The following MAGI1 variants were observed in gnomAD, a reference collection of about 807,000 sequenced individuals.
MAGI1 encodes membrane-associated guanylate kinase, WW and PDZ domain-containing protein 1.
In MAGI1, 58 loss-of-function variants were observed where a neutral mutation model predicts 139.9. The ratio of observed to expected loss-of-function variants is 0.41; its 90% CI spans 0.34 to 0.52. The LOEUF is 0.52. MAGI1 is among the 20% of genes least tolerant of loss of function. MAGI1 has a pLI of 0.12. For synonymous variants in MAGI1, 812 were observed against 737.9 expected (o/e 1.10, Z -1.63); for missense variants, 1,874 against 1,901.6 (o/e 0.99, Z 0.27).
At chr3:66,011,977 A>T (rs1285641020) in intron 1 of MAGI1, among the ~76,000 whole-genome samples, 1 of 152,154 alleles carries the variant, frequency 6.6e-6, no homozygotes, top group African/African-American at 2.4e-5. Flanking sequence ...TTAAAGGGCA[A>T]TAGGATACCC....
intron 15 of MAGI1, 26 bp downstream of exon 15, chr3:65,383,506 G>A (rs1943219976): frequency 6.4e-7 from 1 of 1,560,108 alleles, no homozygotes; most frequent in Non-Finnish European, 8.8e-7. Context: ...AAATATGCTG[G>A]GAAGAGAGAC....
chr3:65,448,991 G>A (rs2107473852), intron 6 of MAGI1, among the ~76,000 whole-genome samples: 1 of 152,142 alleles, frequency 6.6e-6, no homozygotes, highest in South Asian at 2.1e-4. Context: ...AATACGCTCA[G>A]TGCCCAGTGT....
chr3:65,984,512 ATG>A (rs34046056), intron 1 of MAGI1, among the ~76,000 whole-genome samples: 49,798 of 140,146 alleles, frequency 0.36, 9,457 homozygotes, highest in East Asian at 0.55. Flanking sequence ...TCAAAATAAA[ATG>A]TGTGTGTGTG....
intron 1 of MAGI1, among the ~76,000 whole-genome samples, chr3:65,757,509 A>C (rs1468080383): frequency 3.3e-5 from 5 of 152,126 alleles, no homozygotes; most frequent in Non-Finnish European, 5.9e-5. Context: ...ACGGTGGTGC[A>C]CACCTGTAAT....
At chr3:65,995,461 G>C (rs1430733553) in intron 1 of MAGI1, among the ~76,000 whole-genome samples, 1 of 152,010 alleles carries the variant, frequency 6.6e-6, no homozygotes, top group Non-Finnish European at 1.5e-5. Flanking sequence ...ATTTTTCAAA[G>C]AGTAGAGGTG....
intron 1 of MAGI1, among the ~76,000 whole-genome samples, chr3:65,756,741 G>C (rs572319831): frequency 6.6e-6 from 1 of 152,218 alleles, no homozygotes; most frequent in African/African-American, 2.4e-5. Context: ...AAGTCATCAG[G>C]AGACAGTCTT....
intron 1 of MAGI1, among the ~76,000 whole-genome samples, chr3:65,990,606 G>A (rs1025686523): frequency 1.3e-5 from 2 of 152,126 alleles, no homozygotes; most frequent in Non-Finnish European, 2.9e-5. Flanking sequence ...TGATGAGCCT[G>A]AACCCAGTAT....
At chr3:65,919,467 G>A (rs1008795748) in intron 1 of MAGI1, among the ~76,000 whole-genome samples, 1 of 151,818 alleles carries the variant, frequency 6.6e-6, no homozygotes, top group African/African-American at 2.4e-5. Flanking sequence ...GGAGGCTAAG[G>A]GGGAGGATCT....
chr3:65,398,256 G>A (rs1944549110), intron 13 of MAGI1, among the ~76,000 whole-genome samples: 1 of 152,166 alleles, frequency 6.6e-6, no homozygotes, highest in Admixed American at 6.6e-5. Context: ...GCACATGACT[G>A]TAATCCCAGC....
At chr3:65,966,670 T>C (rs955077998) in intron 1 of MAGI1, among the ~76,000 whole-genome samples, 6 of 152,126 alleles carry the variant, frequency 3.9e-5, no homozygotes, top group African/African-American at 1.2e-4. Flanking sequence ...AGAAATAAAA[T>C]AGATTTGTGA....
chr3:65,515,898 G>A (rs1221316839), intron 2 of MAGI1, among the ~76,000 whole-genome samples: 2 of 152,038 alleles, frequency 1.3e-5, no homozygotes, highest in African/African-American at 4.8e-5. Flanking sequence ...GAAAATGAGG[G>A]TGAGAACACA....
intron 1 of MAGI1, among the ~76,000 whole-genome samples, chr3:65,870,947 A>ATTTTTTT (rs1466368124): frequency 6.6e-6 from 1 of 151,024 alleles, no homozygotes. Context: ...TAAGTACAAA[A>ATTTTTTT]TTTTTTTTTG....
Position 65,379,364 on chromosome 3 carries a change from G to C in MAGI1, c.2892C>G (p.Thr964=). Residue 964 remains threonine, a synonymous_variant, in exon 17 of 23, where the codon ACC becomes ACG. Transcript: ENST00000402939. ...GGGGGSGVVS[T]VVQPYDVEIR... ...TCTCCACGTCGTAGGGCTGCACCACGGTGCTGACCACGCCGCTGCCCCCGC... is the reference window on the plus strand; with the variant it reads ...TCTCCACGTCGTAGGGCTGCACCACCGTGCTGACCACGCCGCTGCCCCCGC... 1.9e-6 allele frequency: 3 copies of C among 1,612,832 alleles called. No individual in the cohort carries two copies. The highest frequency in any genetic ancestry group is 2.5e-6 in the Non-Finnish European group (3 of 1,179,348).
chr3:65,356,294 A>T lies in MAGI1; in HGVS notation c.*84T>A. 2.2e-6 allele frequency: 3 copies of T among 1,362,428 alleles called. No homozygotes were observed. The highest frequency in any genetic ancestry group is 2.9e-6 in the Non-Finnish European group (3 of 1,020,136). The allele number at this position is 1,362,428 out of a possible 1,614,324, so 84.4% of individuals were successfully genotyped here. On this transcript the variant is annotated 3_prime_UTR_variant, in exon 23 of 23. Coordinates refer to ENST00000402939, the MANE Select transcript of MAGI1 (RefSeq NM_001033057.2). ...ATCATCAGGTGTCAGATGCTTCATT[A>T]GGTAAGAAACTAAATAATTTCAGGT...
intron 3 of MAGI1, among the ~76,000 whole-genome samples, chr3:65,480,433 C>T (rs1432771977): frequency 6.6e-6 from 1 of 151,370 alleles, no homozygotes; most frequent in Admixed American, 6.6e-5. Flanking sequence ...CTTGGGGGTG[C>T]TGAAGAGGGA....
At chr3:65,464,767 G>C (rs1037161546) in intron 5 of MAGI1, among the ~76,000 whole-genome samples, 1 of 151,908 alleles carries the variant, frequency 6.6e-6, no homozygotes, top group African/African-American at 2.4e-5. Flanking sequence ...ATTAAATGTA[G>C]TTATTGATAT....
At chr3:65,974,386 G>T (rs1576320778) in intron 1 of MAGI1, among the ~76,000 whole-genome samples, 1 of 125,880 alleles carries the variant, frequency 7.9e-6, no homozygotes, top group Non-Finnish European at 1.7e-5. Flanking sequence ...TGGGCGGGTG[G>T]CTGGGTGGAT....
intron 1 of MAGI1, among the ~76,000 whole-genome samples, chr3:65,893,263 A>G (rs2060837720): frequency 6.6e-6 from 1 of 151,852 alleles, no homozygotes; most frequent in Non-Finnish European, 1.5e-5. Flanking sequence ...GTTCCCAGAC[A>G]TATACAACCT....
At chr3:65,386,701 T>C (rs1215446514) in intron 14 of MAGI1, among the ~76,000 whole-genome samples, 1 of 152,220 alleles carries the variant, frequency 6.6e-6, no homozygotes, top group African/African-American at 2.4e-5. Context: ...CCAATATTAA[T>C]ATCACTTTTT....
Sources: allele counts gnomAD v4.1 joint callset (sites outside exome capture counted in the v4.1 genomes callset), GRCh38; gene constraint gnomAD v4.1.1; transcripts MANE v1.5; gene names NCBI Gene and HGNC (gene_info 2026-07-23, HGNC 2026-07-21).